The following UGT2B11 variants were observed in gnomAD, a reference collection of about 807,000 sequenced individuals.
UGT2B11 encodes the protein UDP-glucuronosyltransferase 2B11.
A neutral mutation model predicts 51.7 loss-of-function variants in UGT2B11; 49 were observed. The ratio of observed to expected loss-of-function variants is 0.95; its 90% CI spans 0.75 to 1.20. The LOEUF (loss-of-function observed/expected upper bound fraction) is 1.20, where lower values mean the gene tolerates loss of function less well. Ranked by LOEUF, UGT2B11 falls within the 50% of genes most tolerant of loss-of-function variation. The pLI is 0.00. For synonymous variants in UGT2B11, 273 were observed against 209.0 expected (o/e 1.31, Z -2.64); for missense variants, 810 against 622.1 (o/e 1.30, Z -3.21).
intron 2 of UGT2B11, 21 bp from the exon 3 acceptor site, chr4:69,208,503 C>A (rs768304532): frequency 1.8e-5 from 29 of 1,606,244 alleles, no homozygotes; most frequent in Admixed American, 1.4e-4. Context: ...AAAATTGTTT[C>A]ATCACAAAAG....
At chr4:69,218,179 C>A (rs1722323286), upstream of UGT2B11, among the ~76,000 whole-genome samples, 1 of 152,120 alleles carries the variant, frequency 6.6e-6, no homozygotes, top group Non-Finnish European at 1.5e-5. Context: ...AAATTATCTT[C>A]CTCAAAAGCA....
intron 3 of UGT2B11, 56 bp downstream of exon 3, chr4:69,208,295 A>T: frequency 6.2e-7 from 1 of 1,601,124 alleles, no homozygotes; most frequent in South Asian, 1.1e-5. Flanking sequence ...TGTAGATCAC[A>T]AACATTAACA....
At chr4:69,203,058 A>G (rs1216022678) in intron 5 of UGT2B11, among the ~76,000 whole-genome samples, 1 of 151,656 alleles carries the variant, frequency 6.6e-6, no homozygotes, top group Admixed American at 6.6e-5. Context: ...TGCTTCAAAG[A>G]CCATCATCAA....
intron 5 of UGT2B11, among the ~76,000 whole-genome samples, chr4:69,204,028 AATG>A (rs1417210406): frequency 2.6e-5 from 4 of 151,790 alleles, no homozygotes; most frequent in Middle Eastern, 3.4e-3. Flanking sequence ...CTGTTAAAAT[AATG>A]ATGATAAAAA....
chr4:69,201,919 T>C (rs556652486), intron 5 of UGT2B11, among the ~76,000 whole-genome samples: 16 of 151,954 alleles, frequency 1.1e-4, no homozygotes, highest in Admixed American at 5.3e-4. Context: ...TTACCTACTG[T>C]TCAGGTCCTG....
At chr4:69,223,068 A>T in the UGT2B11 span, among the ~76,000 whole-genome samples, 127 of 152,298 alleles carry the variant, frequency 8.3e-4, no homozygotes, top group African/African-American at 3.0e-3. Context: ...CATAAGGGAC[A>T]TCACTCCATT....
chr4:69,212,516 C>T, intron 2 of UGT2B11, 57 bp downstream of exon 2: 1 of 1,582,842 alleles, frequency 6.3e-7, no homozygotes, highest in Non-Finnish European at 8.6e-7. Flanking sequence ...AAACTATAGA[C>T]TCATTTCTAC....
intron 5 of UGT2B11, among the ~76,000 whole-genome samples, 196 bp from the exon 6 acceptor site, chr4:69,200,915 T>G (rs1375968403): frequency 6.6e-6 from 1 of 151,864 alleles, no homozygotes; most frequent in East Asian, 2.0e-4. Flanking sequence ...TGACAAACAT[T>G]TTTAAAGCAG....
rs193136704 is a variant in UGT2B11, at chr4:69,201,782, A to T, written c.1311-1063T>A. ...CTATTTGATTCCTAGAATTTTGTAA[A>T]TGATTTATATATCTCATAAAATATA... On this transcript the variant is annotated intron_variant, in intron 5 of 5. Transcript: ENST00000446444. 1.8e-3 allele frequency among the ~76,000 whole-genome samples: 269 copies of T among 151,906 alleles called. 4 individuals carry two copies. The highest frequency in any genetic ancestry group is 6.4e-3 in the African/African-American group (264 of 41,516).
chr4:69,205,990 G>A (rs1257352791), intron 3 of UGT2B11, among the ~76,000 whole-genome samples: 2 of 151,576 alleles, frequency 1.3e-5, no homozygotes, highest in Non-Finnish European at 3.0e-5. Context: ...TGTTGGCGAG[G>A]TTGTATAGAA....
At chr4:69,222,457 C>A in the UGT2B11 span, among the ~76,000 whole-genome samples, 2 of 152,128 alleles carry the variant, frequency 1.3e-5, no homozygotes, top group African/African-American at 4.8e-5. Flanking sequence ...CAAATGCCAG[C>A]GGCCCCAGTC....
chr4:69,212,835 T>A, intron 1 of UGT2B11, 114 bp from the exon 2 acceptor site: 1 of 1,052,690 alleles, frequency 9.5e-7, no homozygotes, highest in Non-Finnish European at 1.3e-6. Flanking sequence ...TTATGTGCTT[T>A]GAAAAATATA....
chr4:69,208,813 C>T (rs1247638239), intron 2 of UGT2B11, among the ~76,000 whole-genome samples: 2 of 151,492 alleles, frequency 1.3e-5, no homozygotes, highest in Non-Finnish European at 1.5e-5. Flanking sequence ...ACTATAATTA[C>T]TAATATAAGT....
At chr4:69,211,302 G>A (rs1331684373) in intron 2 of UGT2B11, among the ~76,000 whole-genome samples, 2 of 151,558 alleles carry the variant, frequency 1.3e-5, no homozygotes, top group African/African-American at 2.4e-5. Context: ...GAATACTGGT[G>A]AAGATCCTTG....
Position 69,204,890 on chromosome 4 carries a change from A to C in UGT2B11, c.1091-241T>G, listed in dbSNP as rs7436729. 7.0e-3 allele frequency among the ~76,000 whole-genome samples: 1,068 copies of C among 151,846 alleles called. 12 individuals are homozygous for C. Among genetic ancestry groups the C allele is most frequent in the African/African-American group, 0.024 (989 of 41,506 alleles). Reference sequence around the variant, plus strand: ...TTTCAGTTGGACTAATGAAAAGTGCATTCTAGATTTTTTAAATGTGCACAA... The same window carrying C: ...TTTCAGTTGGACTAATGAAAAGTGCCTTCTAGATTTTTTAAATGTGCACAA... On this transcript the variant is annotated intron_variant, in intron 4 of 5. Coordinates refer to ENST00000446444, the MANE Select transcript of UGT2B11 (RefSeq NM_001073.3).
At position 69,200,397 on chromosome 4, in the gene UGT2B11, T is replaced by C. The variant is rs1408307216; in HGVS notation, c.*43A>G. 6 of 1,536,472 alleles carry C rather than the reference T, an allele frequency of 3.9e-6. No homozygotes were observed. The highest frequency in any genetic ancestry group is 4.4e-6 in the Non-Finnish European group (5 of 1,139,592). On this transcript the variant is annotated 3_prime_UTR_variant, in exon 6 of 6. Coordinates refer to ENST00000446444, the MANE Select transcript of UGT2B11 (RefSeq NM_001073.3). ...CTTTCTTGCTGGAATAAACTGAAGT[T>C]GTCCTATCTATCTGGTTTTCCAGCT...
chr4:69,200,312 A>ATTTTTTTTTT lies in UGT2B11; in HGVS notation c.*118_*127dup, dbSNP rs11340393. On this transcript the variant is annotated 3_prime_UTR_variant, in exon 6 of 6. Coordinates refer to ENST00000446444, the MANE Select transcript of UGT2B11 (RefSeq NM_001073.3). The stretch of plus-strand genomic sequence containing the variant: ...TTTACTTGACAAGGTAGATTTGAAA[A>ATTTTTTTTTT]TTTTTTTTTTTTTTTTTTTTTTGTC... 6.2e-5 allele frequency: 51 copies of ATTTTTTTTTT among 818,888 alleles called. No individual in the cohort carries two copies. Among genetic ancestry groups the ATTTTTTTTTT allele is most frequent in the African/African-American group, 5.3e-4 (24 of 45,396 alleles). The allele number at this position is 818,888 out of a possible 1,614,324, so 50.7% of individuals were successfully genotyped here.
intron 3 of UGT2B11, among the ~76,000 whole-genome samples, chr4:69,206,442 A>G (rs533557478): frequency 6.0e-4 from 91 of 151,758 alleles, no homozygotes; most frequent in African/African-American, 2.0e-3. Context: ...GTGGACACAT[A>G]GATGGCAACA....
chr4:69,222,872 A>C, the UGT2B11 span, among the ~76,000 whole-genome samples: 2 of 152,132 alleles, frequency 1.3e-5, no homozygotes, highest in African/African-American at 4.8e-5. Context: ...CCCAAGTTTA[A>C]GTTCTCTTTC....
Sources: allele counts gnomAD v4.1 joint callset (sites outside exome capture counted in the v4.1 genomes callset), GRCh38; gene constraint gnomAD v4.1.1; transcripts MANE v1.5; gene names NCBI Gene and HGNC (gene_info 2026-07-23, HGNC 2026-07-21).